Variants in TM9SF4 observed in about 807,000 individuals in gnomAD.
The protein encoded by TM9SF4 is transmembrane 9 superfamily member 4, also known as dinucleotide oxidase disulfide thiol exchanger 3 superfamily member 4.
TM9SF4 carries 26 observed loss-of-function variants against 90.4 expected under a neutral mutation model. That is an observed-to-expected ratio of 0.29 (90% CI 0.21 to 0.40). The LOEUF is 0.40. Among genes scored for constraint, TM9SF4 ranks in the 10% least tolerant of loss-of-function variants. The pLI, the probability that TM9SF4 is intolerant of heterozygous loss-of-function variation, is 1.00. For synonymous variants in TM9SF4, 293 were observed against 315.4 expected, an observed-to-expected ratio of 0.93 and a Z score of 0.75; for missense variants, 549 against 834.8, an observed-to-expected ratio of 0.66 and a Z score of 4.22.
At chr20:32,132,713 C>T (rs1193557111) in intron 1 of TM9SF4, among the ~76,000 whole-genome samples, 1 of 152,222 alleles carries the variant, frequency 6.6e-6, no homozygotes, top group Non-Finnish European at 1.5e-5. Context: ...GAGTTACACA[C>T]TATAAATGGT....
At chr20:32,149,872 C>T (rs1380833519) in intron 10 of TM9SF4, 106 bp downstream of exon 10, 3 of 1,493,724 alleles carry the variant, frequency 2.0e-6, no homozygotes, top group African/African-American at 1.4e-5. Context: ...AACCAAGCTC[C>T]TGGCACCAAG....
chr20:32,158,584 C>T lies in TM9SF4; in HGVS notation c.1569+70C>T. 2.7e-6 allele frequency: 4 copies of T among 1,495,432 alleles called. No homozygotes were observed. In the South Asian group the frequency reaches 3.4e-5, roughly 13 times the overall value. 92.6% of individuals were successfully genotyped at this position (1,495,432 alleles called of 1,614,324 possible). A position where few individuals can be genotyped will look rare whatever the true frequency, so the allele number is the denominator to read the frequency against. ...GTCACTCCCACTCCACTCGGGTGCT[C>T]TGCTGCCTACTGCCTGAGAAAGTTC... is the stretch of plus-strand genomic sequence containing the variant. On this transcript the variant is annotated intron_variant, in intron 15 of 17. Transcript: ENST00000398022.
chr20:32,163,854 G>A (rs535067368), intron 17 of TM9SF4, among the ~76,000 whole-genome samples: 6 of 152,032 alleles, frequency 3.9e-5, no homozygotes, highest in South Asian at 4.2e-4. Flanking sequence ...CATGTGATCC[G>A]TCTGCCTCAG....
intron 17 of TM9SF4, among the ~76,000 whole-genome samples, chr20:32,161,641 G>T (rs1367777549): frequency 2.0e-4 from 31 of 152,170 alleles, no homozygotes; most frequent in Admixed American, 2.0e-3. Flanking sequence ...GCCAAAGCAG[G>T]ACTTGAAAGC....
At position 32,157,946 on chromosome 20, in the gene TM9SF4, G is replaced by C; in HGVS notation, c.1482G>C (p.Arg494=). 6.2e-7 allele frequency: 1 copy of C among 1,614,136 alleles called. No homozygotes were observed. Among genetic ancestry groups the C allele is most frequent in the Non-Finnish European group, 8.5e-7 (1 of 1,180,016 alleles). Residue 494 remains arginine, a synonymous_variant, in exon 14 of 18, where the codon CGG becomes CGC. Transcript: ENST00000398022. ...NQIPRQIPEQ[R]WYMNRFVGIL... is the part of the protein sequence containing the mutation. ...TTCCCCGGCAGATCCCCGAGCAGCG[G>C]TGGTACATGAACCGATTTGTGGGGT...
intron 13 of TM9SF4, 57 bp from the exon 14 acceptor site, chr20:32,157,737 C>G (rs2046950051): frequency 6.3e-7 from 1 of 1,593,580 alleles, no homozygotes; most frequent in African/African-American, 1.3e-5. Context: ...CCCCCTTGCG[C>G]AGCCCCCATC....
At chr20:32,152,356 C>A (rs73906756) in intron 12 of TM9SF4, among the ~76,000 whole-genome samples, 1,833 of 150,844 alleles carry the variant, frequency 0.012, 43 homozygotes, top group African/African-American at 0.042. Flanking sequence ...TTCCCCCAAA[C>A]CACCCCTTGC....
In TM9SF4 at chr20:32,129,956, G is replaced by A. The variant is rs147129157; in HGVS notation, c.16-3057G>A. 2.5e-3 allele frequency among the ~76,000 whole-genome samples: 379 copies of A among 152,202 alleles called. 2 individuals carry two copies. The highest frequency in any genetic ancestry group is 3.0e-3 in the Non-Finnish European group (205 of 68,014). Reference sequence around the variant, plus strand: ...ATGTATACATTTTGGCATACCTGACGTATTTTTCTTAACATGCCTAGAAGC... The same window carrying A: ...ATGTATACATTTTGGCATACCTGACATATTTTTCTTAACATGCCTAGAAGC... On this transcript the variant is annotated intron_variant, in intron 1 of 17. Transcript: ENST00000398022.
chr20:32,110,360 CTGT>C (rs2046125064), intron 1 of TM9SF4, among the ~76,000 whole-genome samples: 1 of 152,114 alleles, frequency 6.6e-6, no homozygotes, highest in South Asian at 2.1e-4. Flanking sequence ...CCTGCCCTTC[CTGT>C]CTTCTCTCAG....
At chr20:32,139,065 G>T (rs1005011520) in intron 3 of TM9SF4, among the ~76,000 whole-genome samples, 1 of 152,184 alleles carries the variant, frequency 6.6e-6, no homozygotes, top group Non-Finnish European at 1.5e-5. Context: ...AGGGTGGAGG[G>T]GTGAGGCCTT....
chr20:32,114,380 G>A (rs1200261795), intron 1 of TM9SF4, among the ~76,000 whole-genome samples: 1 of 152,176 alleles, frequency 6.6e-6, no homozygotes, highest in African/African-American at 2.4e-5. Context: ...ATCCAGGCTG[G>A]AGTGCAGTGG....
intron 1 of TM9SF4, among the ~76,000 whole-genome samples, chr20:32,127,864 T>TTGTGATCCCCTGCACTGGTTTCAAA (rs1600797870): frequency 1.3e-5 from 2 of 152,158 alleles, no homozygotes; most frequent in East Asian, 3.8e-4. Flanking sequence ...CCAGAGGAGA[T>TTGTGATCCCCTGCACTGGTTTCAAA]TGTGATCCCC....
At chr20:32,123,218 A>AGGGGGAGGGGGGG (rs1569053938) in intron 1 of TM9SF4, among the ~76,000 whole-genome samples, 1 of 818 alleles carries the variant, frequency 1.2e-3, no homozygotes, top group Non-Finnish European at 2.8e-3. Context: ...GGGAGGGGGG[A>AGGGGGAGGGGGGG]GGGGGAGAGG....
intron 1 of TM9SF4, among the ~76,000 whole-genome samples, chr20:32,122,472 TCTC>T (rs1000721476): frequency 1.7e-5 from 2 of 120,070 alleles, no homozygotes; most frequent in African/African-American, 6.6e-5. Flanking sequence ...GGGCGGAGGG[TCTC>T]CTCACTTCTC....
At chr20:32,111,912 CTG>C (rs1273860075) in intron 1 of TM9SF4, among the ~76,000 whole-genome samples, 2 of 152,170 alleles carry the variant, frequency 1.3e-5, no homozygotes, top group Non-Finnish European at 2.9e-5. Context: ...GCAAGAGCAA[CTG>C]TTTTGAGAAG....
chr20:32,126,845 C>T (rs1034034640), intron 1 of TM9SF4, among the ~76,000 whole-genome samples: 1 of 152,118 alleles, frequency 6.6e-6, no homozygotes, highest in African/African-American at 2.4e-5. Flanking sequence ...AAGCAATTCT[C>T]CTGCCTCAGC....
rs2046934792 is a variant in TM9SF4 at position 32,156,994 on chromosome 20, C to CTGGAG, written c.1330-791_1330-787dup. On this transcript the variant is annotated intron_variant, in intron 13 of 17. Coordinates refer to ENST00000398022, the MANE Select transcript of TM9SF4 (RefSeq NM_014742.4). ...TCACTCTCTCACTCTGTCACCCAGGCTGGAGTGGAGTGGCAAGGTCTCAGT... is the reference window on the plus strand; with the variant it reads ...TCACTCTCTCACTCTGTCACCCAGGCTGGAGTGGAGTGGAGTGGCAAGGTCTCAGT... 2.2e-5 allele frequency among the ~76,000 whole-genome samples: 3 copies of CTGGAG among 135,042 alleles called. No individual in the cohort carries two copies. In the South Asian group the frequency reaches 7.2e-4, roughly 32 times the overall value. The allele number at this position is 135,042 out of a possible 152,430, so 88.6% of individuals were successfully genotyped here. A position where few individuals can be genotyped will look rare whatever the true frequency, so the allele number is the denominator to read the frequency against.
intron 1 of TM9SF4, 66 bp from the exon 2 acceptor site, chr20:32,132,947 G>C (rs1284951706): frequency 1.4e-6 from 2 of 1,444,326 alleles, no homozygotes; most frequent in African/African-American, 2.8e-5. Context: ...GGTATGACTT[G>C]ATCTGCCTCA....
chr20:32,150,644 G>C lies in TM9SF4; in HGVS notation c.1110G>C (p.Leu370=), dbSNP rs2046828382. ...CAGTTGTAGCCATGCTTGGGATGCT[G>C]TCGCCCTCCAGCCGGGGAGCTCTCA... ...IVIFVAMLGM[L]SPSSRGALMT... The change falls in exon 11 of 18, where the codon CTG becomes CTC. Residue 370 remains leucine, a synonymous_variant. Coordinates refer to ENST00000398022, the MANE Select transcript of TM9SF4 (RefSeq NM_014742.4). The C allele has an allele frequency of 1.2e-6, 2 of 1,614,086 alleles. No homozygotes were observed. Among genetic ancestry groups the C allele is most frequent in the African/African-American group, 1.3e-5 (1 of 74,932 alleles).
Sources: gnomAD v4.1 joint callset for allele counts (sites outside exome capture counted in the v4.1 genomes callset) on GRCh38, gnomAD v4.1.1 for gene constraint, MANE v1.5 for transcripts, NCBI Gene and HGNC (gene_info 2026-07-23, HGNC 2026-07-21) for gene names.